The following LARGE1 variants were observed in gnomAD, a reference collection of about 807,000 sequenced individuals.
LARGE1 encodes the protein LARGE xylosyl- and glucuronyltransferase 1, also known as xylosyl- and glucuronyltransferase LARGE1.
Under a neutral mutation model 87.6 loss-of-function variants are expected in LARGE1, and 43 were observed. The ratio of observed to expected loss-of-function variants is 0.49; its 90% confidence interval spans 0.38 to 0.63. LARGE1 has a LOEUF of 0.63. Among genes scored for constraint, LARGE1 ranks in the 30% least tolerant of loss-of-function variants. The probability of loss-of-function intolerance (pLI) is 0.00; values close to 1 mark genes in which losing one functional copy is unlikely to be tolerated. For missense variants in LARGE1, 802 were observed against 1,000.2 expected (o/e 0.80, Z 2.67); for synonymous variants, 434 against 394.6 (o/e 1.10, Z -1.18).
intron 6 of LARGE1, among the ~76,000 whole-genome samples, chr22:33,498,885 T>C (rs977030069): frequency 6.6e-6 from 1 of 151,948 alleles, no homozygotes; most frequent in Non-Finnish European, 1.5e-5. Flanking sequence ...GGCAGGAGAA[T>C]GGTATGAATC....
chr22:33,275,345 G>C (rs1929025567), intron 14 of LARGE1, among the ~76,000 whole-genome samples: 1 of 152,168 alleles, frequency 6.6e-6, no homozygotes, highest in Non-Finnish European at 1.5e-5. Flanking sequence ...CTTTTACTCA[G>C]ATCTATTTAC....
At chr22:33,435,878 C>G (rs776761897) in intron 6 of LARGE1, among the ~76,000 whole-genome samples, 1 of 152,096 alleles carries the variant, frequency 6.6e-6, no homozygotes, top group Non-Finnish European at 1.5e-5. Context: ...ACTTTAATAT[C>G]CATTGGTGAG....
Position 33,875,543 on chromosome 22 carries a change from C to T in LARGE1, c.-83+44452G>A, listed in dbSNP as rs543169263. ...TGAGCAGAGATGGCCCTCCCCAGCC[C>T]GCCATGCCTGCTGCATCCTCTGAGC... On this transcript the variant is annotated intron_variant, in intron 1 of 14. Coordinates refer to ENST00000397394, the MANE Select transcript of LARGE1 (RefSeq NM_133642.5). 4.1e-4 allele frequency among the ~76,000 whole-genome samples: 62 copies of T among 152,318 alleles called. No homozygotes were observed. The East Asian group carries it at 5.4e-3, about 13-fold the overall frequency.
chr22:33,079,193 TAA>T, the LARGE1 span, among the ~76,000 whole-genome samples: 1 of 149,594 alleles, frequency 6.7e-6, no homozygotes, highest in Non-Finnish European at 1.5e-5. Flanking sequence ...GTGCCTGACA[TAA>T]GTCTCCATGA....
intron 7 of LARGE1, among the ~76,000 whole-genome samples, chr22:33,419,688 T>C (rs2066625801): frequency 6.6e-6 from 1 of 152,118 alleles, no homozygotes; most frequent in Non-Finnish European, 1.5e-5. Flanking sequence ...TTGTTGTTGT[T>C]GTTTTTTGTT....
At chr22:33,845,690 G>C (rs2063409273) in intron 1 of LARGE1, among the ~76,000 whole-genome samples, 4 of 152,064 alleles carry the variant, frequency 2.6e-5, no homozygotes, top group Admixed American at 1.3e-4. Context: ...TTTGTATTAT[G>C]AAAAATGTTA....
chr22:33,279,181 C>T (rs1004452662), intron 13 of LARGE1, among the ~76,000 whole-genome samples: 61 of 152,220 alleles, frequency 4.0e-4, no homozygotes, highest in African/African-American at 1.4e-3. Context: ...CTAGAAGCTA[C>T]AGAGAGACGG....
rs1239925717 is a variant in LARGE1 at position 33,454,633 on chromosome 22, AAAG to A, written c.788-22371_788-22369del. Among the ~76,000 whole-genome samples, 148 of 150,658 alleles carry A rather than the reference AAAG, an allele frequency of 9.8e-4. 4 individuals are homozygous for A. Among genetic ancestry groups the A allele is most frequent in the African/African-American group, 2.8e-3 (112 of 40,568 alleles). On this transcript the variant is annotated intron_variant, in intron 6 of 14. Coordinates refer to ENST00000397394, the MANE Select transcript of LARGE1 (RefSeq NM_133642.5). Reference sequence around the variant, plus strand: ...ACTCTGTCTAAAAAAAAAAAAAAAAAAAGAAGAAGAAGAAAAGAGGTTTAATTG... The same window carrying A: ...ACTCTGTCTAAAAAAAAAAAAAAAAAAAGAAGAAGAAAAGAGGTTTAATTG...
At chr22:33,790,361 T>C (rs1170479566) in intron 1 of LARGE1, among the ~76,000 whole-genome samples, 1 of 152,180 alleles carries the variant, frequency 6.6e-6, no homozygotes, top group Non-Finnish European at 1.5e-5. Context: ...CGTGAGAACA[T>C]GCTAATACAC....
chr22:33,458,129 T>G (rs941067924), intron 6 of LARGE1, among the ~76,000 whole-genome samples: 5 of 150,746 alleles, frequency 3.3e-5, no homozygotes, highest in Admixed American at 2.0e-4. Context: ...TTTTTTGAGA[T>G]GGAGTCTCAC....
intron 12 of LARGE1, among the ~76,000 whole-genome samples, chr22:33,292,868 G>T (rs981370946): frequency 1.3e-5 from 2 of 152,040 alleles, no homozygotes; most frequent in African/African-American, 4.8e-5. Flanking sequence ...TAACACCCCG[G>T]GCTTTTGTTT....
chr22:33,905,127 G>A (rs1041349983), intron 1 of LARGE1, among the ~76,000 whole-genome samples: 8 of 144,332 alleles, frequency 5.5e-5, no homozygotes, highest in East Asian at 4.1e-4. Context: ...GTGCAATGGC[G>A]TGACCAGGGC....
At chr22:33,110,911 A>G in the LARGE1 span, among the ~76,000 whole-genome samples, 12 of 152,326 alleles carry the variant, frequency 7.9e-5, no homozygotes, top group East Asian at 2.1e-3. Context: ...CTTAGATAAT[A>G]AAAACAACAA....
intron 1 of LARGE1, chr22:33,873,284 C>G (rs5749686): frequency 0.36 from 54,636 of 152,132 alleles, 11,086 homozygotes; most frequent in South Asian, 0.53. Flanking sequence ...GGGATCAGGC[C>G]TATTTCTTTT....
At chr22:33,831,796 A>G (rs1164781799) in intron 1 of LARGE1, among the ~76,000 whole-genome samples, 1 of 151,700 alleles carries the variant, frequency 6.6e-6, no homozygotes, top group Non-Finnish European at 1.5e-5. Flanking sequence ...ACACATACAC[A>G]GACTTGAGCC....
chr22:33,198,878 C>T (rs1316798269), intron 11 of LARGE1, among the ~76,000 whole-genome samples: 1 of 152,110 alleles, frequency 6.6e-6, no homozygotes, highest in East Asian at 1.9e-4. Flanking sequence ...AGTGGGATTG[C>T]TGAATTGAAT....
intron 2 of LARGE1, among the ~76,000 whole-genome samples, chr22:33,699,336 A>G (rs2082341150): frequency 6.6e-6 from 1 of 152,194 alleles, no homozygotes; most frequent in Non-Finnish European, 1.5e-5. Flanking sequence ...TCCCGGAGAC[A>G]ATGAAGGGAG....
intron 11 of LARGE1, among the ~76,000 whole-genome samples, chr22:33,184,103 T>TATATATATATATATATATATATATATAA (rs71187247): frequency 2.8e-5 from 4 of 142,314 alleles, no homozygotes; most frequent in African/African-American, 7.7e-5. Flanking sequence ...TATATATATA[T>TATATATATATATATATATATATATATAA]CATATCTTTA....
chr22:33,304,245 G>T lies in LARGE1; in HGVS notation c.1714C>A (p.Leu572Ile). The change falls in exon 12 of 15, where the codon CTC becomes ATC. Residue 572 changes from leucine to isoleucine, a missense_variant. By Grantham distance (5) the Leu-to-Ile change is conservative. Transcript: ENST00000397394. Reference sequence around the variant, plus strand: ...GGTCCTTACCTGAGGTACTCATAGAGCCCATACATGGGCAGGAAGTCAATG... The same window carrying T: ...GGTCCTTACCTGAGGTACTCATAGATCCCATACATGGGCAGGAAGTCAATG... ...SDIDFLPMYG[L>I]YEYLRKSVIQ... The T allele has an allele frequency of 6.2e-7, 1 of 1,614,232 alleles. No homozygotes were observed. Among genetic ancestry groups the T allele is most frequent in the Non-Finnish European group, 8.5e-7 (1 of 1,180,050 alleles).
Sources: allele counts gnomAD v4.1 joint callset (sites outside exome capture counted in the v4.1 genomes callset), GRCh38; gene constraint gnomAD v4.1.1; transcripts MANE v1.5; gene names NCBI Gene and HGNC (gene_info 2026-07-23, HGNC 2026-07-21).